Variants in PEBP4 observed in about 807,000 individuals in gnomAD.
PEBP4 encodes phosphatidylethanolamine-binding protein 4.
Under a neutral mutation model 23.9 loss-of-function variants are expected in PEBP4, and 22 were observed. That is an observed-to-expected ratio of 0.92 (90% CI 0.66 to 1.31). The LOEUF is 1.31. Ranked by LOEUF, PEBP4 falls within the 40% of genes most tolerant of loss-of-function variation. PEBP4 has a pLI of 0.00. For synonymous variants in PEBP4, 112 were observed against 99.3 expected, an observed-to-expected ratio of 1.13 and a Z score of -0.76; for missense variants, 324 against 281.7, an observed-to-expected ratio of 1.15 and a Z score of -1.07.
chr8:22,835,557 T>C (rs1207764385), intron 3 of PEBP4, among the ~76,000 whole-genome samples: 2 of 152,218 alleles, frequency 1.3e-5, no homozygotes, highest in Non-Finnish European at 2.9e-5. Context: ...CACCTGGGAA[T>C]GGGACTGTTA....
At chr8:22,824,351 G>T (rs751714927) in intron 3 of PEBP4, among the ~76,000 whole-genome samples, 7 of 152,076 alleles carry the variant, frequency 4.6e-5, no homozygotes, top group Admixed American at 6.6e-5. Context: ...CTTCTCAGTG[G>T]CAGACTGCTC....
chr8:22,890,863 T>C (rs145359756), intron 3 of PEBP4, among the ~76,000 whole-genome samples: 71 of 152,338 alleles, frequency 4.7e-4, no homozygotes, highest in African/African-American at 1.7e-3. Flanking sequence ...AGTCTCACCC[T>C]GTCACCCAGG....
At chr8:22,868,301 C>T (rs1447105177) in intron 3 of PEBP4, among the ~76,000 whole-genome samples, 3 of 152,110 alleles carry the variant, frequency 2.0e-5, no homozygotes, top group Non-Finnish European at 4.4e-5. Flanking sequence ...GTGATTGTCT[C>T]TTCAGTGTGA....
Position 22,865,735 on chromosome 8 carries a change from C to A in PEBP4, c.259-48000G>T, listed in dbSNP as rs1419587171. Among the ~76,000 whole-genome samples the A allele has an allele frequency of 6.6e-6, 1 of 152,112 alleles. No homozygotes were observed. Among genetic ancestry groups the A allele is most frequent in the African/African-American group, 2.4e-5 (1 of 41,430 alleles). On this transcript the variant is annotated intron_variant, in intron 3 of 6. Coordinates refer to ENST00000256404, the MANE Select transcript of PEBP4 (RefSeq NM_144962.3). The surrounding 1 kb of genome is among the most constrained non-coding windows in gnomAD (Gnocchi z 6.9). ...GGAAAGGGGAGAGGAATCTCCCCAC[C>A]GGATCTGGTGGGCGGAAGATGGGCC...
chr8:22,789,768 A>G (rs1289868266), intron 4 of PEBP4, among the ~76,000 whole-genome samples: 3 of 152,248 alleles, frequency 2.0e-5, no homozygotes, highest in African/African-American at 2.4e-5. Flanking sequence ...TTTGTGACAG[A>G]CATGATTCTC....
intron 4 of PEBP4, among the ~76,000 whole-genome samples, chr8:22,799,413 A>C (rs959896446): frequency 9.2e-5 from 14 of 152,210 alleles, no homozygotes; most frequent in African/African-American, 3.4e-4. Flanking sequence ...AATTTTAGGC[A>C]CCTCTAAAGC....
In PEBP4 at chr8:22,933,155, C is replaced by A. The variant is rs1809486669; in HGVS notation, c.145-5435G>T. On this transcript the variant is annotated intron_variant, in intron 1 of 1. Coordinates refer to the PEBP4 transcript ENST00000522278. ...AGAGCCAGACCCATCATGTGCAATG[C>A]TCTAATCTGTCTGGGGTCCACTTGC... 2.0e-5 allele frequency among the ~76,000 whole-genome samples: 3 copies of A among 152,176 alleles called. No individual in the cohort carries two copies. In the South Asian group the frequency reaches 6.2e-4, roughly 31 times the overall value.
At chr8:22,790,663 T>A (rs576231956) in intron 4 of PEBP4, among the ~76,000 whole-genome samples, 2 of 152,220 alleles carry the variant, frequency 1.3e-5, no homozygotes, top group Non-Finnish European at 2.9e-5. Flanking sequence ...CTTTGAAGGC[T>A]CAGTGTTCTA....
At chr8:22,819,886 G>A (rs377073871) in intron 3 of PEBP4, among the ~76,000 whole-genome samples, 14 of 152,280 alleles carry the variant, frequency 9.2e-5, no homozygotes, top group East Asian at 5.8e-4. Flanking sequence ...AATTACAGGC[G>A]TGAGCCACCG....
chr8:22,870,572 G>A (rs528225992), intron 3 of PEBP4, among the ~76,000 whole-genome samples: 1 of 152,260 alleles, frequency 6.6e-6, no homozygotes, highest in South Asian at 2.1e-4. Flanking sequence ...GTAACCTAAT[G>A]TAAAGTATGG....
At chr8:22,802,706 T>C (rs143090474) in intron 4 of PEBP4, among the ~76,000 whole-genome samples, 81 of 152,350 alleles carry the variant, frequency 5.3e-4, no homozygotes, top group African/African-American at 1.9e-3. Flanking sequence ...GACGCTTTGT[T>C]ACTGGGAGAG....
intron 3 of PEBP4, among the ~76,000 whole-genome samples, chr8:22,818,266 G>A (rs932085063): frequency 1.1e-4 from 16 of 152,198 alleles, no homozygotes; most frequent in African/African-American, 3.6e-4. Context: ...GCACAAGACA[G>A]TAAGGTCCAT....
At chr8:22,803,439 G>A (rs1183424542) in intron 4 of PEBP4, among the ~76,000 whole-genome samples, 1 of 152,060 alleles carries the variant, frequency 6.6e-6, no homozygotes, top group Non-Finnish European at 1.5e-5. Flanking sequence ...AGGCTGAGGT[G>A]AGCAGACCTG....
At chr8:22,838,809 C>T (rs182050534) in intron 3 of PEBP4, among the ~76,000 whole-genome samples, 17 of 152,378 alleles carry the variant, frequency 1.1e-4, no homozygotes, top group Non-Finnish European at 2.9e-5. Flanking sequence ...TAGGTGGCTA[C>T]GTGGCTGATG....
chr8:22,728,786 T>C (rs1293707641), intron 4 of PEBP4, among the ~76,000 whole-genome samples: 3 of 152,074 alleles, frequency 2.0e-5, no homozygotes, highest in Non-Finnish European at 4.4e-5. Context: ...TTAGCAGAGA[T>C]GGGGTTTTAC....
At chr8:22,807,894 T>G (rs74991691) in intron 4 of PEBP4, among the ~76,000 whole-genome samples, 9 of 124,356 alleles carry the variant, frequency 7.2e-5, no homozygotes, top group African/African-American at 9.5e-5. Context: ...CATCCATCCA[T>G]CCACCCACCC....
chr8:22,847,711 G>A (rs533694090), intron 3 of PEBP4, among the ~76,000 whole-genome samples: 1 of 152,146 alleles, frequency 6.6e-6, no homozygotes. Context: ...CTACAAAGAT[G>A]GTTGTCACCC....
intron 4 of PEBP4, among the ~76,000 whole-genome samples, chr8:22,766,545 G>A (rs1805618428): frequency 6.6e-6 from 1 of 152,178 alleles, no homozygotes; most frequent in Non-Finnish European, 1.5e-5. Flanking sequence ...TCAGGGACAG[G>A]AACACCTGTG....
chr8:22,796,867 T>G (rs1413399106), intron 4 of PEBP4, among the ~76,000 whole-genome samples: 1 of 151,448 alleles, frequency 6.6e-6, no homozygotes, highest in Non-Finnish European at 1.5e-5. Flanking sequence ...GGGTGATGGG[T>G]ACACTGAAAG....
Sources: gnomAD v4.1 joint callset for allele counts (sites outside exome capture counted in the v4.1 genomes callset) on GRCh38, gnomAD v4.1.1 for gene constraint, Gnocchi (gnomAD v3.1) non-coding constraint, MANE v1.5 for transcripts, NCBI Gene and HGNC (gene_info 2026-07-23, HGNC 2026-07-21) for gene names.